The following CADPS2 variants were observed in gnomAD, a reference collection of about 807,000 sequenced individuals.
CADPS2 encodes calcium dependent secretion activator 2.
A neutral mutation model predicts 172.5 loss-of-function variants in CADPS2; 93 were observed. The observed-to-expected ratio is 0.54, with a 90% CI of 0.46 to 0.64. The LOEUF (loss-of-function observed/expected upper bound fraction) is 0.64, where lower values mean the gene tolerates loss of function less well. Among genes scored for constraint, CADPS2 ranks in the 30% least tolerant of loss-of-function variants. The probability of loss-of-function intolerance (pLI) is 0.00; values close to 1 mark genes in which losing one functional copy is unlikely to be tolerated. For synonymous variants in CADPS2, 546 were observed against 555.2 expected, an observed-to-expected ratio of 0.98 and a Z score of 0.23; for missense variants, 1,420 against 1,565.9, an observed-to-expected ratio of 0.91 and a Z score of 1.57.
chr7:122,832,897 T>A (rs1307863598), intron 1 of CADPS2, among the ~76,000 whole-genome samples: 1 of 152,214 alleles, frequency 6.6e-6, no homozygotes, highest in East Asian at 1.9e-4. Context: ...AAAGACAGCT[T>A]AATTATAATG....
chr7:122,325,694 C>A, intron 28 of CADPS2, 113 bp from the exon 29 acceptor site: 1 of 635,120 alleles, frequency 1.6e-6, no homozygotes, highest in Non-Finnish European at 2.8e-6. Flanking sequence ...CTGAAATGAC[C>A]ACAGATCAGC....
chr7:122,597,211 G>A (rs1038078658), intron 6 of CADPS2, among the ~76,000 whole-genome samples: 2 of 151,990 alleles, frequency 1.3e-5, no homozygotes, highest in South Asian at 2.1e-4. Context: ...ATCATCATAC[G>A]TCAGTTAAAC....
Position 122,621,733 on chromosome 7 carries a change from T to C in CADPS2, c.868-16A>G. On this transcript the variant is annotated splice_polypyrimidine_tract_variant and intron_variant, in intron 4 of 29. Transcript: ENST00000449022. The stretch of plus-strand genomic sequence containing the variant: ...ATTTTCTTTCCTTGAAAATAATTTT[T>C]AAAATAATAGTGTTACATAAGTCAT... The C allele has an allele frequency of 7.1e-7, 1 of 1,406,392 alleles. No homozygotes were observed. The highest frequency in any genetic ancestry group is 9.9e-7 in the Non-Finnish European group (1 of 1,011,508). 87.1% of individuals were successfully genotyped at this position (1,406,392 alleles called of 1,614,324 possible). A position where few individuals can be genotyped will look rare whatever the true frequency, so the allele number is the denominator to read the frequency against.
chr7:122,473,223 T>C (rs1480981711), intron 13 of CADPS2, among the ~76,000 whole-genome samples: 1 of 152,140 alleles, frequency 6.6e-6, no homozygotes, highest in African/African-American at 2.4e-5. Flanking sequence ...CAAACTGTGT[T>C]CAAATAAGGC....
At position 122,880,564 on chromosome 7, in the gene CADPS2, A is replaced by G. The variant is rs557771648; in HGVS notation, c.339+5435T>C. Among the ~76,000 whole-genome samples, 40 of 152,190 alleles carry G rather than the reference A, an allele frequency of 2.6e-4. No individual in the cohort carries two copies. In the South Asian group the frequency reaches 6.8e-3, roughly 26 times the overall value. ...CTAGGTGAAAATAAGCCATTTTTCT[A>G]TATCTTCTCTTTAGAACAGCGGTTC... On this transcript the variant is annotated intron_variant, in intron 1 of 29. Transcript: ENST00000449022.
chr7:122,530,630 A>G (rs999451444), intron 8 of CADPS2, among the ~76,000 whole-genome samples: 6 of 152,190 alleles, frequency 3.9e-5, no homozygotes, highest in Non-Finnish European at 5.9e-5. Context: ...ACAGTAAGTT[A>G]TAACCAACTT....
In CADPS2 at chr7:122,407,609, C is replaced by T. The variant is rs1395886215; in HGVS notation, c.2677G>A (p.Ala893Thr). 1.2e-6 allele frequency: 2 copies of T among 1,612,110 alleles called. No homozygotes were observed. The highest frequency in any genetic ancestry group is 1.3e-5 in the African/African-American group (1 of 75,026). ...FTVDMDTALE[A>T]QPQDSWDSFP... ...CTATCCCAGGAGTCTTGCGGTTGAGCCTCTAGTGCAGTGTCCATATCCACT... is the reference window on the plus strand; with the variant it reads ...CTATCCCAGGAGTCTTGCGGTTGAGTCTCTAGTGCAGTGTCCATATCCACT... Residue 893 changes from alanine (A) to threonine (T), a missense_variant, in exon 20 of 30, where the codon GCT (alanine) becomes ACT (threonine). By Grantham distance (58) the Ala-to-Thr change is moderately conservative. Coordinates refer to ENST00000449022, the MANE Select transcript of CADPS2 (RefSeq NM_017954.11).
intron 1 of CADPS2, among the ~76,000 whole-genome samples, chr7:122,799,480 G>T (rs560252248): frequency 5.5e-4 from 83 of 151,912 alleles, no homozygotes; most frequent in African/African-American, 2.0e-3. Context: ...GTGGGCGCCT[G>T]TAGTCCCAGC....
chr7:122,454,353 G>A (rs2053497902), intron 14 of CADPS2, among the ~76,000 whole-genome samples: 1 of 152,078 alleles, frequency 6.6e-6, no homozygotes, highest in South Asian at 2.1e-4. Flanking sequence ...TCACACCGCT[G>A]GGAAATGCAG....
At chr7:122,393,618 G>C (rs1014741030) in intron 20 of CADPS2, 36 bp from the exon 21 acceptor site, 1 of 1,611,162 alleles carries the variant, frequency 6.2e-7, no homozygotes, top group East Asian at 2.2e-5. Flanking sequence ...TTTGTCAGAG[G>C]GATAATATCA....
intron 14 of CADPS2, among the ~76,000 whole-genome samples, chr7:122,454,836 G>C (rs1257546576): frequency 6.6e-6 from 1 of 152,034 alleles, no homozygotes; most frequent in Non-Finnish European, 1.5e-5. Flanking sequence ...AACACACCCA[G>C]AATGTGACCT....
intron 2 of CADPS2, among the ~76,000 whole-genome samples, chr7:122,731,634 G>A (rs769965523): frequency 1.3e-5 from 2 of 148,660 alleles, no homozygotes; most frequent in Non-Finnish European, 3.0e-5. Flanking sequence ...ACTTCCTTTA[G>A]ACAATGAGGT....
At chr7:122,515,775 A>G (rs1410568149) in intron 8 of CADPS2, among the ~76,000 whole-genome samples, 1 of 150,254 alleles carries the variant, frequency 6.7e-6, no homozygotes, top group Non-Finnish European at 1.5e-5. Context: ...TATGTAACTA[A>G]CCTGCACAAT....
At chr7:122,761,789 GT>G (rs2093388985) in intron 1 of CADPS2, among the ~76,000 whole-genome samples, 1 of 150,388 alleles carries the variant, frequency 6.6e-6, no homozygotes, top group African/African-American at 2.5e-5. Context: ...GAGATCAGGA[GT>G]TTGAAACAAG....
intron 6 of CADPS2, among the ~76,000 whole-genome samples, chr7:122,607,693 GC>G (rs568380415): frequency 7.4e-4 from 112 of 152,022 alleles, no homozygotes; most frequent in Non-Finnish European, 1.4e-3. Context: ...TCCCCAGATT[GC>G]TCCCTTTATT....
chr7:122,810,613 A>C (rs1213120704), intron 1 of CADPS2, among the ~76,000 whole-genome samples: 1 of 152,158 alleles, frequency 6.6e-6, no homozygotes, highest in Non-Finnish European at 1.5e-5. Context: ...TTAAGAAAGC[A>C]ATATAACCAT....
At chr7:122,379,520 T>A (rs1211882689) in intron 24 of CADPS2, 78 bp from the exon 25 acceptor site, 2 of 835,636 alleles carry the variant, frequency 2.4e-6, no homozygotes, top group Non-Finnish European at 4.1e-6. Flanking sequence ...GCTCTAAATC[T>A]ACTAGTTATG....
At chr7:122,732,805 T>A (rs1042860334) in intron 2 of CADPS2, among the ~76,000 whole-genome samples, 2 of 139,460 alleles carry the variant, frequency 1.4e-5, no homozygotes, top group South Asian at 4.2e-4. Context: ...CATTATATAT[T>A]ATATACATAA....
intron 9 of CADPS2, among the ~76,000 whole-genome samples, chr7:122,495,309 C>T (rs1170796032): frequency 6.6e-6 from 1 of 152,142 alleles, no homozygotes; most frequent in Non-Finnish European, 1.5e-5. Context: ...TTTCCTTTCT[C>T]TTCTCAGAGA....
Sources: gnomAD v4.1 joint callset for allele counts (sites outside exome capture counted in the v4.1 genomes callset) on GRCh38, gnomAD v4.1.1 for gene constraint, MANE v1.5 for transcripts, NCBI Gene and HGNC (gene_info 2026-07-23, HGNC 2026-07-21) for gene names.